CTNNA1: variants seen among roughly 807,000 people sequenced by gnomAD.
The protein encoded by CTNNA1 is catenin alpha 1, also known as catenin alpha-1.
CTNNA1 carries 37 observed loss-of-function variants against 98.4 expected under a neutral mutation model. The ratio of observed to expected loss-of-function variants is 0.38; its 90% CI spans 0.29 to 0.49. The LOEUF is 0.49. Among genes scored for constraint, CTNNA1 ranks in the 20% least tolerant of loss-of-function variants. The probability of loss-of-function intolerance (pLI) is 0.95; values close to 1 mark genes in which losing one functional copy is unlikely to be tolerated. For missense variants in CTNNA1, 761 were observed against 1,147.2 expected (o/e 0.66, Z 4.86); for synonymous variants, 404 against 413.2 (o/e 0.98, Z 0.27).
At chr5:138,933,036 A>C (rs950419721) in intron 17 of CTNNA1, 9 of 757,548 alleles carry the variant, frequency 1.2e-5, no homozygotes, top group Non-Finnish European at 2.2e-5. Context: ...TGGGAGGCTG[A>C]GACACAATAA....
intron 16 of CTNNA1, chr5:138,932,077 CCT>C: frequency 1.0e-6 from 1 of 986,034 alleles, no homozygotes; most frequent in South Asian, 4.7e-5. Flanking sequence ...TCCACCTCAG[CCT>C]GCAGTGAGTG....
chr5:138,902,074 T>C (rs1331152486), intron 9 of CTNNA1, among the ~76,000 whole-genome samples: 1 of 152,164 alleles, frequency 6.6e-6, no homozygotes, highest in Non-Finnish European at 1.5e-5. Context: ...ACCAGAAATA[T>C]TTTAAAGTAA....
At chr5:138,853,491 T>G (rs1265805092) in intron 7 of CTNNA1, among the ~76,000 whole-genome samples, 1 of 150,530 alleles carries the variant, frequency 6.6e-6, no homozygotes. Flanking sequence ...CGGAAGTATA[T>G]ACTTAAAAAA....
At chr5:138,920,203 C>T (rs891560887) in intron 11 of CTNNA1, among the ~76,000 whole-genome samples, 1 of 152,244 alleles carries the variant, frequency 6.6e-6, no homozygotes, top group Non-Finnish European at 1.5e-5. Context: ...TTGTCTCAAA[C>T]TCCTGACCTC....
At chr5:138,896,822 G>A (rs2150093150) in intron 9 of CTNNA1, among the ~76,000 whole-genome samples, 1 of 152,268 alleles carries the variant, frequency 6.6e-6, no homozygotes, top group South Asian at 2.1e-4. Flanking sequence ...AGTGTACTGA[G>A]GTGAAGAATT....
At chr5:138,791,797 T>TTC in intron 3 of CTNNA1, among the ~76,000 whole-genome samples, 1 of 149,082 alleles carries the variant, frequency 6.7e-6, no homozygotes, top group Middle Eastern at 3.4e-3. Context: ...CTTTTTTTTT[T>TTC]TTTTTTTTTT....
intron 7 of CTNNA1, chr5:138,828,148 A>G (rs1035474388): frequency 4.2e-5 from 7 of 165,140 alleles, no homozygotes; most frequent in African/African-American, 1.7e-4. Context: ...CTATACCACT[A>G]AAGTTTCATT....
At chr5:138,833,190 A>G (rs1444999587) in intron 7 of CTNNA1, among the ~76,000 whole-genome samples, 2 of 152,214 alleles carry the variant, frequency 1.3e-5, no homozygotes, top group Non-Finnish European at 2.9e-5. Flanking sequence ...TCAGTCTTTG[A>G]AATGAACTCC....
At chr5:138,851,071 A>G (rs1763141131) in intron 7 of CTNNA1, among the ~76,000 whole-genome samples, 1 of 152,246 alleles carries the variant, frequency 6.6e-6, no homozygotes, top group Non-Finnish European at 1.5e-5. Flanking sequence ...AGCTGGCATC[A>G]GTATAGAAAA....
intron 1 of CTNNA1, among the ~76,000 whole-genome samples, chr5:138,769,352 AT>A (rs1465920326): frequency 2.6e-5 from 4 of 151,070 alleles, no homozygotes; most frequent in African/African-American, 2.4e-5. Flanking sequence ...GTGTTTTTAA[AT>A]TTTTATTTTT....
chr5:138,785,973 C>T (rs1755662468), intron 3 of CTNNA1, among the ~76,000 whole-genome samples: 1 of 152,126 alleles, frequency 6.6e-6, no homozygotes, highest in South Asian at 2.1e-4. Flanking sequence ...AGAAGTTTCT[C>T]CAGTGCAAAT....
At chr5:138,918,586 A>T (rs903834164) in intron 11 of CTNNA1, among the ~76,000 whole-genome samples, 1 of 152,244 alleles carries the variant, frequency 6.6e-6, no homozygotes, top group Non-Finnish European at 1.5e-5. Context: ...CATTATATAA[A>T]CATAAACTGG....
At chr5:138,796,822 G>A (rs1757033661) in intron 3 of CTNNA1, among the ~76,000 whole-genome samples, 1 of 152,158 alleles carries the variant, frequency 6.6e-6, no homozygotes, top group Non-Finnish European at 1.5e-5. Context: ...AGCATATTCA[G>A]GTGGATGTCT....
chr5:138,858,469 A>G (rs966885856), intron 7 of CTNNA1, among the ~76,000 whole-genome samples: 7 of 152,260 alleles, frequency 4.6e-5, no homozygotes, highest in African/African-American at 9.6e-5. Context: ...GAAATGTACA[A>G]ATCTTAAGTG....
intron 3 of CTNNA1, among the ~76,000 whole-genome samples, chr5:138,805,508 T>C (rs1237475641): frequency 2.6e-5 from 4 of 152,188 alleles, no homozygotes. Flanking sequence ...TGATGGCTAG[T>C]GAGGTTGAGC....
intron 5 of CTNNA1, 37 bp from the exon 6 acceptor site, chr5:138,824,493 A>G (rs766335176): frequency 8.1e-6 from 13 of 1,603,926 alleles, no homozygotes; most frequent in Non-Finnish European, 1.1e-5. Context: ...GCCCATATAA[A>G]GAGTGCTCCA....
chr5:138,755,760 A>G (rs1751563438), intron 1 of CTNNA1, among the ~76,000 whole-genome samples: 2 of 151,748 alleles, frequency 1.3e-5, no homozygotes, highest in Non-Finnish European at 2.9e-5. Flanking sequence ...AAGGTGTCCA[A>G]AGTGGGACTC....
intron 7 of CTNNA1, chr5:138,872,927 T>G: frequency 1.0e-6 from 1 of 964,084 alleles, no homozygotes; most frequent in Non-Finnish European, 1.5e-6. Context: ...AATGTCACCA[T>G]TGGTAAAAAT....
chr5:138,871,716 T>C (rs1467628504), intron 7 of CTNNA1: 1 of 152,254 alleles, frequency 6.6e-6, no homozygotes, highest in Non-Finnish European at 1.5e-5. Flanking sequence ...TGTGGCTGCA[T>C]AGGCATGTCG....
Sources: gnomAD v4.1 joint callset for allele counts (sites outside exome capture counted in the v4.1 genomes callset) on GRCh38, gnomAD v4.1.1 for gene constraint, MANE v1.5 for transcripts, NCBI Gene and HGNC (gene_info 2026-07-23, HGNC 2026-07-21) for gene names.